The following ABAT variants were observed in gnomAD, a reference collection of about 807,000 sequenced individuals.
The protein encoded by ABAT is 4-aminobutyrate aminotransferase, mitochondrial.
In ABAT, 45 loss-of-function variants were observed where a neutral mutation model predicts 64.6. The ratio of observed to expected loss-of-function variants is 0.70; its 90% CI spans 0.55 to 0.89. The LOEUF is 0.89. Ranked by LOEUF, ABAT falls within the 40% of genes least tolerant of loss-of-function variation. ABAT has a pLI of 0.00. For missense variants in ABAT, 633 were observed against 658.4 expected (o/e 0.96, Z 0.42); for synonymous variants, 297 against 250.5 (o/e 1.19, Z -1.75).
At position 8,768,215 on chromosome 16, in the gene ABAT, G is replaced by A. The variant is rs1457964207; in HGVS notation, c.626G>A (p.Ser209Asn). ...TAGGCCCCTGGCTGCCCCGACTACA[G>A]CATCCTCTCCTTCATGGGCGCGTTC... ...INQAPGCPDY[S>N]ILSFMGAFHG... Residue 209 changes from serine (S) to asparagine (N), a missense_variant, in exon 10 of 16, where the codon AGC becomes AAC. Physicochemically the swap from Ser to Asn is conservative, Grantham distance 46 (BLOSUM62 1). Coordinates refer to ENST00000268251, the MANE Select transcript of ABAT (RefSeq NM_020686.6). 1 of 1,614,022 alleles carries A rather than the reference G, an allele frequency of 6.2e-7. No homozygotes were observed. The highest frequency in any genetic ancestry group is 8.5e-7 in the Non-Finnish European group (1 of 1,180,042).
chr16:8,723,023 A>G (rs1350361521), intron 1 of ABAT, among the ~76,000 whole-genome samples: 1 of 152,186 alleles, frequency 6.6e-6, no homozygotes, highest in Non-Finnish European at 1.5e-5. Flanking sequence ...ACTTGAGGTC[A>G]GGAGTTCAAG....
At chr16:8,679,375 C>A (rs2057278486) in intron 1 of ABAT, among the ~76,000 whole-genome samples, 1 of 152,106 alleles carries the variant, frequency 6.6e-6, no homozygotes, top group African/African-American at 2.4e-5. Context: ...AATTCCTTCT[C>A]TGAGCACCTA....
chr16:8,780,720 G>A, intron 15 of ABAT: 1 of 176,778 alleles, frequency 5.7e-6, no homozygotes, highest in South Asian at 1.2e-4. Context: ...AGACTGGGTT[G>A]CCACTGCACC....
chr16:8,677,394 A>G (rs1433371430), intron 1 of ABAT, among the ~76,000 whole-genome samples: 2 of 152,212 alleles, frequency 1.3e-5, no homozygotes, highest in Non-Finnish European at 2.9e-5. Flanking sequence ...CAGACCCTGA[A>G]GCCAGATGGA....
At chr16:8,694,758 G>T (rs1413501077) in intron 1 of ABAT, among the ~76,000 whole-genome samples, 1 of 152,236 alleles carries the variant, frequency 6.6e-6, no homozygotes, top group African/African-American at 2.4e-5. Flanking sequence ...TTCCAGTGGA[G>T]TGTGGAGTCA....
chr16:8,718,863 T>C (rs969314962), intron 1 of ABAT, among the ~76,000 whole-genome samples: 2 of 152,244 alleles, frequency 1.3e-5, no homozygotes, highest in Non-Finnish European at 2.9e-5. Flanking sequence ...TTAAGGTCTT[T>C]GCAAGTGCAT....
rs764702034 is a variant in ABAT, at chr16:8,769,005, C to G, written c.816+32C>G. The G allele has an allele frequency of 8.7e-6, 14 of 1,613,588 alleles. No homozygotes were observed. In the South Asian group the frequency reaches 1.5e-4, roughly 18 times the overall value. The stretch of plus-strand genomic sequence containing the variant: ...CTCATACCCTGCGGATCCTCCCCAA[C>G]CACCAGTCCTGTTGCTCTTGCCGCC... On this transcript the variant is annotated intron_variant, in intron 11 of 15. Transcript: ENST00000268251.
At chr16:8,751,914 TG>T (rs1161693045) in intron 5 of ABAT, among the ~76,000 whole-genome samples, 1 of 152,154 alleles carries the variant, frequency 6.6e-6, no homozygotes, top group Non-Finnish European at 1.5e-5. Context: ...ATTTGCAGCT[TG>T]GATGGTTAAT....
At chr16:8,751,599 A>C (rs1596455190) in intron 5 of ABAT, among the ~76,000 whole-genome samples, 1 of 152,116 alleles carries the variant, frequency 6.6e-6, no homozygotes, top group African/African-American at 2.4e-5. Flanking sequence ...GCTTTTTATG[A>C]CCCTTCACCA....
At position 8,745,986 on chromosome 16, in the gene ABAT, C is replaced by T. The variant is rs776157203; in HGVS notation, c.71-15C>T. The T allele has an allele frequency of 1.9e-6, 3 of 1,612,284 alleles. No homozygotes were observed. Among genetic ancestry groups the T allele is most frequent in the East Asian group, 2.2e-5 (1 of 44,834 alleles). ...GCTGTCACCAGGGATTTCTCATTGT[C>T]TTTGTTTACTGCAGGATCCAGACAC... On this transcript the variant is annotated splice_polypyrimidine_tract_variant and intron_variant, in intron 2 of 15. Transcript: ENST00000268251.
At chr16:8,723,074 C>A (rs2058421112) in intron 1 of ABAT, among the ~76,000 whole-genome samples, 1 of 151,976 alleles carries the variant, frequency 6.6e-6, no homozygotes, top group Non-Finnish European at 1.5e-5. Flanking sequence ...CTCTACAAAA[C>A]ATACAAAAAT....
At chr16:8,771,963 C>T (rs1157966192) in intron 11 of ABAT, among the ~76,000 whole-genome samples, 1 of 152,016 alleles carries the variant, frequency 6.6e-6, no homozygotes, top group Non-Finnish European at 1.5e-5. Context: ...ATGAACCGCG[C>T]TATGTTGCAC....
At chr16:8,723,484 C>T (rs901992566) in intron 1 of ABAT, among the ~76,000 whole-genome samples, 1 of 152,136 alleles carries the variant, frequency 6.6e-6, no homozygotes, top group Non-Finnish European at 1.5e-5. Flanking sequence ...GAAAGTCTGC[C>T]TATCTGTGGG....
At chr16:8,742,067 A>T (rs1048450316) in intron 2 of ABAT, among the ~76,000 whole-genome samples, 1 of 152,216 alleles carries the variant, frequency 6.6e-6, no homozygotes, top group Non-Finnish European at 1.5e-5. Context: ...GAGCTGATAC[A>T]GTTCTCGGAA....
chr16:8,769,188 C>T (rs2060030933), intron 11 of ABAT, among the ~76,000 whole-genome samples: 1 of 152,150 alleles, frequency 6.6e-6, no homozygotes, highest in African/African-American at 2.4e-5. Flanking sequence ...CATCCATCAC[C>T]CAACTCTGAT....
At chr16:8,721,031 A>T (rs8056594) in intron 1 of ABAT, 19,802 of 152,250 alleles carry the variant, frequency 0.13, 2,037 homozygotes, top group African/African-American at 0.28. Flanking sequence ...CTGGGGAAAC[A>T]GTAAGGACTT....
At chr16:8,735,671 C>T (rs1318470819) in intron 1 of ABAT, 28 bp from the exon 2 acceptor site, 1 of 1,541,216 alleles carries the variant, frequency 6.5e-7, no homozygotes, top group Non-Finnish European at 8.8e-7. Flanking sequence ...CTTCATGGGC[C>T]TAAGTCTGCA....
chr16:8,738,322 A>G (rs1255272044), intron 2 of ABAT: 1 of 438,106 alleles, frequency 2.3e-6, no homozygotes, highest in Non-Finnish European at 4.5e-6. Context: ...AAATAATAAT[A>G]ATAGATAAAT....
At chr16:8,778,288 G>A (rs190501639) in intron 14 of ABAT, among the ~76,000 whole-genome samples, 1 of 152,290 alleles carries the variant, frequency 6.6e-6, no homozygotes, top group African/African-American at 2.4e-5. Context: ...CTGAAATCAA[G>A]GTTTCAGCAG....
Sources: gnomAD v4.1 joint callset for allele counts (sites outside exome capture counted in the v4.1 genomes callset) on GRCh38, gnomAD v4.1.1 for gene constraint, MANE v1.5 for transcripts, NCBI Gene and HGNC (gene_info 2026-07-23, HGNC 2026-07-21) for gene names.